FHIT: variants seen among roughly 807,000 people sequenced by gnomAD.
FHIT encodes fragile histidine triad diadenosine triphosphatase, also known as bis(5'-adenosyl)-triphosphatase.
Under a neutral mutation model 17.9 loss-of-function variants are expected in FHIT, and 19 were observed. The ratio of observed to expected loss-of-function variants is 1.06; its 90% confidence interval spans 0.74 to 1.56. FHIT has a LOEUF of 1.56. Ranked by LOEUF, FHIT falls within the 40% of genes most tolerant of loss-of-function variation. FHIT has a pLI of 0.00. For synonymous variants in FHIT, 81 were observed against 69.7 expected, an observed-to-expected ratio of 1.16 and a Z score of -0.81; for missense variants, 248 against 189.2, an observed-to-expected ratio of 1.31 and a Z score of -1.82.
chr3:60,460,030 A>G (rs895836586), intron 5 of FHIT, among the ~76,000 whole-genome samples: 2 of 152,154 alleles, frequency 1.3e-5, no homozygotes, highest in Admixed American at 6.5e-5. Context: ...AAAGGTCAAA[A>G]TAGTTCAGAA....
intron 4 of FHIT, among the ~76,000 whole-genome samples, chr3:60,710,630 T>A (rs1553704797): frequency 6.6e-6 from 1 of 152,218 alleles, no homozygotes; most frequent in Admixed American, 6.5e-5. Context: ...ATCCCACACC[T>A]GGCTCGGAGG....
At chr3:61,019,263 T>C (rs1399421783) in intron 3 of FHIT, among the ~76,000 whole-genome samples, 1 of 152,192 alleles carries the variant, frequency 6.6e-6, no homozygotes, top group Non-Finnish European at 1.5e-5. Flanking sequence ...TTCAAAGAGT[T>C]GAGATTGGTT....
chr3:60,562,916 C>A (rs2037002204), intron 4 of FHIT, among the ~76,000 whole-genome samples: 1 of 152,120 alleles, frequency 6.6e-6, no homozygotes, highest in Admixed American at 6.6e-5. Context: ...TCCTCAAGAT[C>A]CTCTAAATAA....
intron 5 of FHIT, among the ~76,000 whole-genome samples, chr3:60,408,629 G>T (rs1197746464): frequency 6.6e-6 from 1 of 152,114 alleles, no homozygotes; most frequent in Non-Finnish European, 1.5e-5. Flanking sequence ...AATGTTGACG[G>T]TTAAGAGGAG....
intron 8 of FHIT, among the ~76,000 whole-genome samples, chr3:59,849,021 C>A (rs892705868): frequency 6.6e-6 from 1 of 152,140 alleles, no homozygotes; most frequent in East Asian, 1.9e-4. Flanking sequence ...TATATGAGGT[C>A]AGGTTCATAT....
intron 5 of FHIT, among the ~76,000 whole-genome samples, chr3:60,524,803 T>C (rs1189522732): frequency 6.6e-6 from 1 of 152,178 alleles, no homozygotes; most frequent in Non-Finnish European, 1.5e-5. Context: ...TGCCATTGGA[T>C]GTAGGATTTG....
intron 7 of FHIT, among the ~76,000 whole-genome samples, chr3:59,991,328 T>A (rs987151520): frequency 6.6e-6 from 1 of 152,088 alleles, no homozygotes; most frequent in African/African-American, 2.4e-5. Flanking sequence ...AAGACTAAGA[T>A]CTTCTCCAGG....
intron 5 of FHIT, among the ~76,000 whole-genome samples, chr3:60,087,329 CT>C (rs1703538228): frequency 6.6e-6 from 1 of 152,168 alleles, no homozygotes; most frequent in Admixed American, 6.5e-5. Flanking sequence ...TTCCCATTGG[CT>C]TGACTACTAG....
At chr3:60,064,832 G>T (rs548661298) in intron 5 of FHIT, among the ~76,000 whole-genome samples, 1 of 152,118 alleles carries the variant, frequency 6.6e-6, no homozygotes, top group Non-Finnish European at 1.5e-5. Context: ...TGCTGTGTTA[G>T]GCACTTCGCA....
intron 7 of FHIT, among the ~76,000 whole-genome samples, chr3:59,982,503 T>G (rs951339940): frequency 6.6e-6 from 1 of 152,208 alleles, no homozygotes; most frequent in Non-Finnish European, 1.5e-5. Flanking sequence ...TATCAATAAC[T>G]AACTGTGATC....
chr3:60,486,372 A>G (rs1361454288), intron 5 of FHIT, among the ~76,000 whole-genome samples: 5 of 152,156 alleles, frequency 3.3e-5, no homozygotes, highest in Non-Finnish European at 7.3e-5. Context: ...GAGGATCACA[A>G]AAAGAGCTGA....
intron 3 of FHIT, among the ~76,000 whole-genome samples, chr3:60,884,690 T>G (rs1705131729): frequency 6.6e-6 from 1 of 151,746 alleles, no homozygotes; most frequent in Non-Finnish European, 1.5e-5. Context: ...TCCCAGCAAT[T>G]TGGGAGGCTG....
chr3:60,537,486 A>G, intron 4 of FHIT: 1 of 982,026 alleles, frequency 1.0e-6, no homozygotes, highest in Non-Finnish European at 1.2e-6. Context: ...AAACATGAGC[A>G]CTTCCAGAGA....
At chr3:60,263,654 C>T (rs1706414795) in intron 5 of FHIT, among the ~76,000 whole-genome samples, 1 of 151,868 alleles carries the variant, frequency 6.6e-6, no homozygotes, top group Non-Finnish European at 1.5e-5. Flanking sequence ...CAGTGGATGC[C>T]TGAGGCCAGG....
chr3:60,224,395 T>C (rs1704094535), intron 5 of FHIT, among the ~76,000 whole-genome samples: 2 of 152,274 alleles, frequency 1.3e-5, no homozygotes, highest in South Asian at 4.2e-4. Context: ...TTAACTTGAG[T>C]TGTGAAAAGA....
intron 5 of FHIT, among the ~76,000 whole-genome samples, chr3:60,014,557 T>G (rs1193754376): frequency 6.6e-6 from 1 of 152,234 alleles, no homozygotes; most frequent in East Asian, 1.9e-4. Flanking sequence ...CTACTTGGTT[T>G]CTCTAGGTAG....
At chr3:60,188,207 C>CTTTTTTTTTTTTTTTTT (rs1210975877) in intron 5 of FHIT, among the ~76,000 whole-genome samples, 3 of 125,568 alleles carry the variant, frequency 2.4e-5, no homozygotes, top group Admixed American at 8.2e-5. Flanking sequence ...CAGTTTCTTT[C>CTTTTTTTTTTTTTTTTT]TTTTTTTTTT....
chr3:60,057,269 T>C (rs1448164770), intron 5 of FHIT, among the ~76,000 whole-genome samples: 1 of 152,108 alleles, frequency 6.6e-6, no homozygotes, highest in Non-Finnish European at 1.5e-5. Context: ...GGGAGTTAAA[T>C]GAAATCCCAA....
At chr3:60,411,213 G>T (rs1431123048) in intron 5 of FHIT, among the ~76,000 whole-genome samples, 1 of 152,052 alleles carries the variant, frequency 6.6e-6, no homozygotes, top group African/African-American at 2.4e-5. Context: ...TCTTGAACTA[G>T]TTCTTAAATC....
Sources: allele counts gnomAD v4.1 joint callset (sites outside exome capture counted in the v4.1 genomes callset), GRCh38; gene constraint gnomAD v4.1.1; transcripts MANE v1.5; gene names NCBI Gene and HGNC (gene_info 2026-07-23, HGNC 2026-07-21).